VPS13B: variants seen among roughly 807,000 people sequenced by gnomAD.
VPS13B encodes the protein vacuolar protein sorting 13 homolog B, also known as intermembrane lipid transfer protein VPS13B.
Under a neutral mutation model 426.4 loss-of-function variants are expected in VPS13B, and 285 were observed. The observed-to-expected ratio is 0.67, with a 90% CI of 0.61 to 0.74. The LOEUF is 0.74. VPS13B is among the 30% of genes least tolerant of loss of function. The pLI, the probability that VPS13B is intolerant of heterozygous loss-of-function variation, is 0.00. For synonymous variants in VPS13B, 1,676 were observed against 1,676.4 expected, an observed-to-expected ratio of 1.00 and a Z score of 0.01; for missense variants, 4,537 against 4,782.6, an observed-to-expected ratio of 0.95 and a Z score of 1.51.
intron 19 of VPS13B, among the ~76,000 whole-genome samples, chr8:99,370,558 T>G (rs1813118862): frequency 6.6e-6 from 1 of 151,438 alleles, no homozygotes; most frequent in Non-Finnish European, 1.5e-5. Context: ...TGATTTATCC[T>G]CTAAATGCAT....
At chr8:99,795,166 GGAGGCACTTC>G (rs1193695914) in intron 43 of VPS13B, among the ~76,000 whole-genome samples, 1 of 152,140 alleles carries the variant, frequency 6.6e-6, no homozygotes, top group Admixed American at 6.5e-5. Flanking sequence ...GTAGAAGCTA[GGAGGCACTTC>G]AACACTGCCT....
Position 99,384,307 on chromosome 8 carries a change from A to C in VPS13B, c.2924A>C (p.His975Pro). 6.2e-7 allele frequency: 1 copy of C among 1,612,986 alleles called. No homozygotes were observed. Among genetic ancestry groups the C allele is most frequent in the Non-Finnish European group, 8.5e-7 (1 of 1,179,092 alleles). Reference sequence around the variant, plus strand: ...CAGCCTCAGAAACGAACAAGTAGACATATGCAACAGGTAAGAGATTTTTAA... The same window carrying C: ...CAGCCTCAGAAACGAACAAGTAGACCTATGCAACAGGTAAGAGATTTTTAA... ...IYQPQKRTSR[H>P]MQQQPVVAVP... Residue 975 changes from histidine to proline, a missense_variant, in exon 20 of 62, where the codon CAT becomes CCT. Physicochemically the swap from His to Pro is moderately conservative, Grantham distance 77. Transcript: ENST00000357162.
At chr8:99,221,214 G>T (rs1455462024) in intron 17 of VPS13B, among the ~76,000 whole-genome samples, 1 of 141,282 alleles carries the variant, frequency 7.1e-6, no homozygotes, top group East Asian at 2.1e-4. Context: ...TTGGTTCCAA[G>T]TCTTTGCTAT....
chr8:99,573,592 C>T (rs1454659284), intron 31 of VPS13B, among the ~76,000 whole-genome samples: 1 of 152,116 alleles, frequency 6.6e-6, no homozygotes. Flanking sequence ...TCAGGTTTGT[C>T]AAAGATCAGA....
intron 34 of VPS13B, among the ~76,000 whole-genome samples, chr8:99,658,566 A>T (rs1022664101): frequency 6.6e-6 from 1 of 151,996 alleles, no homozygotes; most frequent in Non-Finnish European, 1.5e-5. Context: ...CTGTTGCTGG[A>T]TATGTAGGTT....
intron 17 of VPS13B, among the ~76,000 whole-genome samples, chr8:99,223,867 C>T (rs1357717264): frequency 1.3e-5 from 2 of 151,876 alleles, no homozygotes; most frequent in Non-Finnish European, 2.9e-5. Flanking sequence ...CAAAGTATGG[C>T]GAAGTATAGT....
intron 19 of VPS13B, among the ~76,000 whole-genome samples, chr8:99,326,452 C>CTTTTTGTTTTT (rs1810269679): frequency 3.1e-5 from 1 of 32,518 alleles, no homozygotes; most frequent in African/African-American, 1.3e-4. Flanking sequence ...CTCTAGGTAG[C>CTTTTTGTTTTT]TTTTTTTTTT....
At chr8:99,697,435 G>A in intron 35 of VPS13B, 2 of 692,860 alleles carry the variant, frequency 2.9e-6, no homozygotes, top group South Asian at 3.3e-5. Flanking sequence ...TGAAGGAGAA[G>A]GAGATAACTA....
Position 99,013,866 on chromosome 8 carries a change from A to G in VPS13B, c.78A>G (p.Leu26=), listed in dbSNP as rs745980143. The change falls in exon 2 of 62, where the codon CTA becomes CTG. Residue 26 remains leucine, a synonymous_variant. Coordinates refer to ENST00000357162, the MANE Select transcript of VPS13B (RefSeq NM_152564.5). The stretch of plus-strand genomic sequence containing the variant: ...TCAAGAACTTAAAGCCGTCGGATCT[A>G]CAGCTTTCACTATGGGGTGGAGACG... ...RYIKNLKPSD[L]QLSLWGGDVV... 9.3e-6 allele frequency: 15 copies of G among 1,614,092 alleles called. No individual in the cohort carries two copies. Among genetic ancestry groups the G allele is most frequent in the Middle Eastern group, 1.6e-4 (1 of 6,084 alleles).
At chr8:99,465,704 G>A (rs1335454632) in intron 23 of VPS13B, among the ~76,000 whole-genome samples, 2 of 151,926 alleles carry the variant, frequency 1.3e-5, no homozygotes, top group African/African-American at 4.8e-5. Flanking sequence ...TTTTTAAATA[G>A]CATGGAATTT....
intron 34 of VPS13B, among the ~76,000 whole-genome samples, chr8:99,659,149 T>A (rs1307689465): frequency 2.0e-5 from 3 of 152,202 alleles, no homozygotes; most frequent in African/African-American, 7.2e-5. Context: ...GCCTATCTGA[T>A]AGGTGAAAAT....
intron 15 of VPS13B, among the ~76,000 whole-genome samples, chr8:99,161,282 CAAT>C (rs1811635696): frequency 6.6e-6 from 1 of 151,956 alleles, no homozygotes; most frequent in African/African-American, 2.4e-5. Flanking sequence ...TTTTTCATGT[CAAT>C]AATATATTTT....
At position 99,778,851 on chromosome 8, in the gene VPS13B, G is replaced by A. The variant is rs762784545; in HGVS notation, c.7599G>A (p.Glu2533=). The A allele has an allele frequency of 6.2e-7, 1 of 1,614,046 alleles. No individual in the cohort carries two copies. Among genetic ancestry groups the A allele is most frequent in the Non-Finnish European group, 8.5e-7 (1 of 1,179,938 alleles). The change falls in exon 42 of 62, where the codon GAG becomes GAA. Residue 2533 remains glutamate (E), a synonymous_variant. Coordinates refer to ENST00000357162, the MANE Select transcript of VPS13B (RefSeq NM_152564.5). ...FLAQADCKLL[E]CRNVTMQSVV... is the part of the protein sequence containing the mutation. ...CTCAAGCAGACTGTAAACTTCTAGA[G>A]TGCAGAAATGTCACTATGCAAAGTG...
intron 15 of VPS13B, among the ~76,000 whole-genome samples, chr8:99,161,732 C>CTTTTTTTTTTTTTTTTTTT (rs374438896): frequency 7.6e-6 from 1 of 131,066 alleles, no homozygotes; most frequent in Non-Finnish European, 1.6e-5. Context: ...GTACTAAATC[C>CTTTTTTTTTTTTTTTTTTT]TTTTTTTTTT....
At chr8:99,501,437 TTTTC>T (rs1267855579) in intron 25 of VPS13B, among the ~76,000 whole-genome samples, 1 of 152,204 alleles carries the variant, frequency 6.6e-6, no homozygotes, top group African/African-American at 2.4e-5. Flanking sequence ...AATCTTAACC[TTTTC>T]TAGATCTTAA....
chr8:99,538,902 A>C (rs1823403306), intron 30 of VPS13B, among the ~76,000 whole-genome samples: 1 of 152,206 alleles, frequency 6.6e-6, no homozygotes, highest in Non-Finnish European at 1.5e-5. Flanking sequence ...AAGTATATTA[A>C]TTGATTTCTT....
At chr8:99,494,612 A>G (rs1039607587) in intron 25 of VPS13B, among the ~76,000 whole-genome samples, 11 of 152,090 alleles carry the variant, frequency 7.2e-5, no homozygotes, top group African/African-American at 2.7e-4. Context: ...AGTTTTATAC[A>G]TATATGATCA....
intron 3 of VPS13B, among the ~76,000 whole-genome samples, chr8:99,049,856 T>G (rs1488972047): frequency 2.6e-5 from 4 of 151,922 alleles, no homozygotes; most frequent in Non-Finnish European, 5.9e-5. Flanking sequence ...GGAGGCTTTG[T>G]TCATATTTTC....
In VPS13B at chr8:99,150,650, A is replaced by C. The variant is rs1305248265; in HGVS notation, c.2013+2640A>C. On this transcript the variant is annotated intron_variant, in intron 14 of 61. Transcript: ENST00000357162. ...GAATCATATAGTATGTAGCCTTTTC[A>C]CATTGGCTTCTTTTACTTAGTGATA... is the stretch of plus-strand genomic sequence containing the variant. Among the ~76,000 whole-genome samples the C allele has an allele frequency of 5.3e-5, 8 of 152,290 alleles. No individual in the cohort carries two copies. In the East Asian group the frequency reaches 1.5e-3, roughly 29 times the overall value.
Sources: allele counts gnomAD v4.1 joint callset (sites outside exome capture counted in the v4.1 genomes callset), GRCh38; gene constraint gnomAD v4.1.1; transcripts MANE v1.5; gene names NCBI Gene and HGNC (gene_info 2026-07-23, HGNC 2026-07-21).